The following KDM4B variants were observed in gnomAD, a reference collection of about 807,000 sequenced individuals.
KDM4B encodes lysine-specific demethylase 4B.
Under a neutral mutation model 125.2 loss-of-function variants are expected in KDM4B, and 32 were observed. The ratio of observed to expected loss-of-function variants is 0.26; its 90% CI spans 0.19 to 0.34. The LOEUF (loss-of-function observed/expected upper bound fraction) is 0.34, where lower values mean the gene tolerates loss of function less well. KDM4B is among the 10% of genes least tolerant of loss of function. The probability of loss-of-function intolerance (pLI) is 1.00; values close to 1 mark genes in which losing one functional copy is unlikely to be tolerated. For synonymous variants in KDM4B, 721 were observed against 677.9 expected (o/e 1.06, Z -0.99); for missense variants, 1,190 against 1,577.7 (o/e 0.75, Z 4.16).
chr19:5,151,234 G>A, intron 22 of KDM4B, 101 bp from the exon 23 acceptor site: 1 of 1,055,096 alleles, frequency 9.5e-7, no homozygotes. Flanking sequence ...AGCAATCAGG[G>A]CTCTGTGTCC....
At chr19:5,119,439 C>T (rs2039318937) in intron 10 of KDM4B, among the ~76,000 whole-genome samples, 1 of 152,198 alleles carries the variant, frequency 6.6e-6, no homozygotes, top group Non-Finnish European at 1.5e-5. Flanking sequence ...GCCCCGTCTC[C>T]CTTTGGTCTC....
chr19:5,125,243 G>A (rs1407083836), intron 11 of KDM4B, among the ~76,000 whole-genome samples: 1 of 151,760 alleles, frequency 6.6e-6, no homozygotes, highest in Admixed American at 6.6e-5. Context: ...GCCCACTGAC[G>A]AGACAGCCAC....
chr19:5,056,867 T>G (rs1599521074), intron 6 of KDM4B, among the ~76,000 whole-genome samples: 4 of 106,984 alleles, frequency 3.7e-5, no homozygotes, highest in African/African-American at 1.1e-4. Context: ...GGGCGGGGAG[T>G]CCTGGGGCGG....
rs186027952 is a variant in KDM4B, at chr19:4,981,298, G to A, written c.-109+12068G>A. ...TGAGTCCACCACACCAGGGCCCGAC[G>A]GCTGTCCTGTCCCCCTCGTCCTGTT... On this transcript the variant is annotated intron_variant, in intron 1 of 22. Transcript: ENST00000159111. Among the ~76,000 whole-genome samples, 928 of 152,164 alleles carry A rather than the reference G, an allele frequency of 6.1e-3. 25 individuals carry two copies. Among genetic ancestry groups the A allele is most frequent in the Admixed American group, 0.053 (805 of 15,288 alleles).
rs146578484 is a variant in KDM4B at position 5,114,042 on chromosome 19, C to T, written c.1115+3224C>T. On this transcript the variant is annotated intron_variant, in intron 10 of 22. Coordinates refer to ENST00000159111, the MANE Select transcript of KDM4B (RefSeq NM_015015.3). The surrounding 1 kb of genome is among the most constrained non-coding windows in gnomAD (Gnocchi z 5.8). ...GTATTCTTCCCCCTGATGGATGGGT[C>T]GCCTAAAACTGCAGCCTGGCTCCTG... 3.9e-4 allele frequency: 496 copies of T among 1,284,698 alleles called. 1 individual carries two copies. In the African/African-American group the frequency reaches 6.2e-3, roughly 16 times the overall value. 79.6% of individuals were successfully genotyped at this position (1,284,698 alleles called of 1,614,324 possible). A position where few individuals can be genotyped will look rare whatever the true frequency, so the allele number is the denominator to read the frequency against.
chr19:5,070,661 C>T, intron 6 of KDM4B: 1 of 186,206 alleles, frequency 5.4e-6, no homozygotes, highest in South Asian at 1.2e-4. Context: ...GGTCCCCTCG[C>T]CACCCGCAGT....
intron 21 of KDM4B, among the ~76,000 whole-genome samples, chr19:5,146,795 G>A (rs978134248): frequency 8.5e-6 from 1 of 117,282 alleles, no homozygotes; most frequent in Non-Finnish European, 1.6e-5. Flanking sequence ...TTAAAAATTA[G>A]CTGGGCATGG....
At chr19:5,037,178 C>T (rs908977938) in intron 3 of KDM4B, among the ~76,000 whole-genome samples, 2 of 152,220 alleles carry the variant, frequency 1.3e-5, no homozygotes, top group East Asian at 1.9e-4. Flanking sequence ...GGCTTCCCCT[C>T]GGCCAGCGGC....
At chr19:5,026,834 C>T (rs775235598) in intron 2 of KDM4B, among the ~76,000 whole-genome samples, 14 of 152,198 alleles carry the variant, frequency 9.2e-5, no homozygotes, top group Non-Finnish European at 1.8e-4. Context: ...TAATAAAATC[C>T]CTCCCTACCC....
At chr19:4,980,121 A>G (rs62114274) in intron 1 of KDM4B, among the ~76,000 whole-genome samples, 55,419 of 151,534 alleles carry the variant, frequency 0.37, 10,845 homozygotes, top group East Asian at 0.73. Context: ...AAAAAGATAC[A>G]ATTTAGTGGT....
chr19:5,151,658 C>G lies in KDM4B; in HGVS notation c.*147C>G, dbSNP rs2039951075. On this transcript the variant is annotated 3_prime_UTR_variant, in exon 23 of 23. Coordinates refer to ENST00000159111, the MANE Select transcript of KDM4B (RefSeq NM_015015.3). ...CGGGTGCCCCCTAGGGCGACAGGAGCCAGCGGGACGCCGCACGCGGCCCCA... is the reference window on the plus strand; with the variant it reads ...CGGGTGCCCCCTAGGGCGACAGGAGGCAGCGGGACGCCGCACGCGGCCCCA... 1.5e-6 allele frequency: 1 copy of G among 668,354 alleles called. No individual in the cohort carries two copies. Among genetic ancestry groups the G allele is most frequent in the East Asian group, 3.4e-5 (1 of 29,094 alleles). 41.4% of individuals were successfully genotyped at this position (668,354 alleles called of 1,614,324 possible).
intron 9 of KDM4B, among the ~76,000 whole-genome samples, chr19:5,086,507 C>G (rs2038502814): frequency 6.6e-6 from 1 of 152,222 alleles, no homozygotes; most frequent in Non-Finnish European, 1.5e-5. Flanking sequence ...GAGGTGGCGT[C>G]TGCGTCTGCT....
rs1051139389 is a variant in KDM4B at position 4,971,734 on chromosome 19, CAG to C, written c.-109+2505_-109+2506del. 1.8e-4 allele frequency among the ~76,000 whole-genome samples: 27 copies of C among 152,272 alleles called. No individual in the cohort carries two copies. Among genetic ancestry groups the C allele is most frequent in the Admixed American group, 1.6e-3 (24 of 15,296 alleles). On this transcript the variant is annotated intron_variant, in intron 1 of 22. Coordinates refer to ENST00000159111, the MANE Select transcript of KDM4B (RefSeq NM_015015.3). This position sits in a 1 kb window ranked among gnomAD's most constrained non-coding sequence, Gnocchi z 4.1. ...CAGTCCGCTGCCCTCGGGCCCAGCTCAGGGAGCAGGCAGGAGGAGGCGAGGCT... is the reference window on the plus strand; with the variant it reads ...CAGTCCGCTGCCCTCGGGCCCAGCTCGGAGCAGGCAGGAGGAGGCGAGGCT...
At chr19:4,980,738 C>T (rs1453879443) in intron 1 of KDM4B, among the ~76,000 whole-genome samples, 1 of 152,048 alleles carries the variant, frequency 6.6e-6, no homozygotes. Flanking sequence ...CACTTTGTCT[C>T]TTTACCTGGC....
rs1164221536 is a variant in KDM4B at position 5,081,397 on chromosome 19, C to T, written c.781-970C>T. Among the ~76,000 whole-genome samples, 1 of 152,146 alleles carries T rather than the reference C, an allele frequency of 6.6e-6. No individual in the cohort carries two copies. The highest frequency in any genetic ancestry group is 1.5e-5 in the Non-Finnish European group (1 of 68,016). Reference sequence around the variant, plus strand: ...GGAGTGGGGGTCAGTGTGGCCATCTCGAGTGTCCCCAGAGTGGGGAGGGTT... The same window carrying T: ...GGAGTGGGGGTCAGTGTGGCCATCTTGAGTGTCCCCAGAGTGGGGAGGGTT... On this transcript the variant is annotated intron_variant, in intron 8 of 22. Transcript: ENST00000159111. This position sits in a 1 kb window ranked among gnomAD's most constrained non-coding sequence, Gnocchi z 4.2.
rs59038906 is a variant in KDM4B at position 4,997,123 on chromosome 19, A to G, written c.-108-19134A>G. 0.011 allele frequency among the ~76,000 whole-genome samples: 1,684 copies of G among 152,316 alleles called. 46 individuals are homozygous for G. The highest frequency in any genetic ancestry group is 0.038 in the African/African-American group (1,577 of 41,560). ...GCCATAAATGTCCCTAGACATCGGA[A>G]GGCATCCTCTGGGGGCACGATCAGC... On this transcript the variant is annotated intron_variant, in intron 1 of 22. Transcript: ENST00000159111. This position sits in a 1 kb window ranked among gnomAD's most constrained non-coding sequence, Gnocchi z 4.2.
chr19:5,147,430 G>A (rs559700491), intron 21 of KDM4B, among the ~76,000 whole-genome samples: 13 of 152,176 alleles, frequency 8.5e-5, no homozygotes, highest in Admixed American at 2.0e-4. Flanking sequence ...CAAGGAAGCC[G>A]AGCTAATGAG....
intron 6 of KDM4B, among the ~76,000 whole-genome samples, chr19:5,057,065 T>TGTGTGTGAGCGC (rs55806859): frequency 7.8e-6 from 1 of 128,322 alleles, no homozygotes; most frequent in African/African-American, 3.2e-5. Flanking sequence ...TGTGTGTGTG[T>TGTGTGTGAGCGC]GCGCGCGCGC....
At chr19:5,038,159 G>A (rs1040813211) in intron 3 of KDM4B, among the ~76,000 whole-genome samples, 1 of 152,208 alleles carries the variant, frequency 6.6e-6, no homozygotes, top group African/African-American at 2.4e-5. Flanking sequence ...TGCAGTGGGT[G>A]GCCCGGTCGA....
Sources: gnomAD v4.1 joint callset for allele counts (sites outside exome capture counted in the v4.1 genomes callset) on GRCh38, gnomAD v4.1.1 for gene constraint, Gnocchi (gnomAD v3.1) non-coding constraint, MANE v1.5 for transcripts, NCBI Gene and HGNC (gene_info 2026-07-23, HGNC 2026-07-21) for gene names.